Variants in LRRC4C observed in about 807,000 individuals in gnomAD.
LRRC4C encodes the protein leucine-rich repeat-containing protein 4C.
LRRC4C carries 5 observed loss-of-function variants against 33.6 expected under a neutral mutation model. The ratio of observed to expected loss-of-function variants is 0.15; its 90% CI spans 0.08 to 0.31. The LOEUF is 0.31. LRRC4C is among the 10% of genes least tolerant of loss of function. LRRC4C has a pLI of 1.00. For missense variants in LRRC4C, 560 were observed against 796.7 expected, an observed-to-expected ratio of 0.70 and a Z score of 3.58; for synonymous variants, 329 against 302.0, an observed-to-expected ratio of 1.09 and a Z score of -0.93.
intron 2 of LRRC4C, among the ~76,000 whole-genome samples, chr11:40,806,289 T>A (rs962648583): frequency 6.6e-6 from 1 of 152,000 alleles, no homozygotes. Flanking sequence ...AGAGCTAGGG[T>A]TCCTTGGATT....
At chr11:40,474,638 G>C (rs374409708) in intron 3 of LRRC4C, among the ~76,000 whole-genome samples, 96 of 152,294 alleles carry the variant, frequency 6.3e-4, no homozygotes, top group Non-Finnish European at 1.2e-3. Context: ...TCATCAGAGT[G>C]AACAGGCAAC....
chr11:40,427,861 C>G (rs1352945128), intron 3 of LRRC4C, among the ~76,000 whole-genome samples: 2 of 151,736 alleles, frequency 1.3e-5, no homozygotes, highest in Non-Finnish European at 2.9e-5. Context: ...AAAAACAAAA[C>G]AAAACAAAAC....
chr11:40,654,667 G>A (rs1943003622), intron 2 of LRRC4C, among the ~76,000 whole-genome samples: 1 of 152,162 alleles, frequency 6.6e-6, no homozygotes, highest in Non-Finnish European at 1.5e-5. Flanking sequence ...TTGACTTTTG[G>A]GTTAATACCG....
intron 1 of LRRC4C, among the ~76,000 whole-genome samples, chr11:40,966,073 G>A (rs1851338043): frequency 1.3e-5 from 2 of 151,958 alleles, no homozygotes; most frequent in Admixed American, 6.6e-5. Flanking sequence ...TCTCCTTGAA[G>A]AGGTCCTTCA....
At chr11:40,685,758 A>G (rs1358306084) in intron 2 of LRRC4C, among the ~76,000 whole-genome samples, 2 of 151,982 alleles carry the variant, frequency 1.3e-5, no homozygotes, top group African/African-American at 2.4e-5. Context: ...TTCTGTACAC[A>G]TAAGAGTTAA....
rs566650767 is a variant in LRRC4C at position 40,813,184 on chromosome 11, A to G, written c.-407+120451T>C. Among the ~76,000 whole-genome samples the G allele has an allele frequency of 2.0e-5, 3 of 152,282 alleles. No individual in the cohort carries two copies. In the South Asian group the frequency reaches 6.2e-4, roughly 32 times the overall value. ...CATAGCAGAATTCCTTCTTTCTTAT[A>G]TTACAGTACATGCCTGTATTAGTCT... On this transcript the variant is annotated intron_variant, in intron 2 of 6. Coordinates refer to ENST00000528697, the MANE Select transcript of LRRC4C (RefSeq NM_001258419.2).
intron 2 of LRRC4C, among the ~76,000 whole-genome samples, chr11:40,855,089 C>T (rs117517003): frequency 0.011 from 1,622 of 152,204 alleles, 11 homozygotes; most frequent in Non-Finnish European, 0.018. Context: ...GAATAAAACC[C>T]ATAATCCAAA....
At chr11:41,039,039 TC>T (rs567645804) in intron 1 of LRRC4C, among the ~76,000 whole-genome samples, 84 of 152,342 alleles carry the variant, frequency 5.5e-4, no homozygotes, top group African/African-American at 2.0e-3. Context: ...TTCCTAGGTT[TC>T]CATCTAAGAT....
intron 1 of LRRC4C, among the ~76,000 whole-genome samples, chr11:41,278,827 T>TC (rs1949564031): frequency 6.6e-6 from 1 of 151,734 alleles, no homozygotes; most frequent in Non-Finnish European, 1.5e-5. Flanking sequence ...GTTTTGTGTT[T>TC]TTTTCCCCCA....
At chr11:40,349,893 T>A (rs1947310102) in intron 3 of LRRC4C, among the ~76,000 whole-genome samples, 2 of 152,186 alleles carry the variant, frequency 1.3e-5, no homozygotes, top group Admixed American at 6.5e-5. Context: ...TCAGACATTC[T>A]GAGAAATGTC....
rs571719814 is a variant in LRRC4C at position 40,749,474 on chromosome 11, C to A, written c.-406-101196G>T. ...TATGAGATACAAAAAAAAAAAAAAA[C>A]CCTATAATAAGCAGGAAGTTTATAG... On this transcript the variant is annotated intron_variant, in intron 2 of 6. Transcript: ENST00000528697. Among the ~76,000 whole-genome samples the A allele has an allele frequency of 8.7e-4, 122 of 140,854 alleles. 2 individuals are homozygous for A. The East Asian group carries it at 0.023, about 27-fold the overall frequency. 92.4% of individuals were successfully genotyped at this position (140,854 alleles called of 152,430 possible). A position where few individuals can be genotyped will look rare whatever the true frequency, so the allele number is the denominator to read the frequency against.
chr11:40,408,276 T>C (rs776787120), intron 3 of LRRC4C, among the ~76,000 whole-genome samples: 112 of 152,144 alleles, frequency 7.4e-4, no homozygotes, highest in Non-Finnish European at 1.0e-3. Context: ...AACACAAGTG[T>C]GTGTTTGGGA....
intron 3 of LRRC4C, among the ~76,000 whole-genome samples, chr11:40,638,234 G>A (rs183743540): frequency 2.3e-4 from 35 of 152,136 alleles, no homozygotes; most frequent in African/African-American, 7.5e-4. Flanking sequence ...CTAAAATATG[G>A]GTATGTGAGG....
At chr11:40,605,977 G>T (rs762287002) in intron 3 of LRRC4C, among the ~76,000 whole-genome samples, 28 of 152,144 alleles carry the variant, frequency 1.8e-4, no homozygotes, top group Non-Finnish European at 3.4e-4. Context: ...CTAGATGGCT[G>T]GGGGCTGCTA....
chr11:40,729,429 A>G (rs1947452265), intron 2 of LRRC4C, among the ~76,000 whole-genome samples: 1 of 152,080 alleles, frequency 6.6e-6, no homozygotes, highest in East Asian at 1.9e-4. Context: ...AAATATCTCA[A>G]TCCAGACCCT....
At chr11:40,509,877 A>T (rs1269761171) in intron 3 of LRRC4C, among the ~76,000 whole-genome samples, 2 of 152,196 alleles carry the variant, frequency 1.3e-5, no homozygotes, top group Non-Finnish European at 2.9e-5. Flanking sequence ...ATTAAAAATA[A>T]TCATGGCAGG....
chr11:41,393,674 T>C (rs1045246418), intron 1 of LRRC4C, among the ~76,000 whole-genome samples: 3 of 151,948 alleles, frequency 2.0e-5, no homozygotes, highest in African/African-American at 7.2e-5. Context: ...ACTTTGTAGT[T>C]AGAGGCAATG....
At chr11:40,665,561 C>G (rs1251257925) in intron 2 of LRRC4C, among the ~76,000 whole-genome samples, 1 of 151,222 alleles carries the variant, frequency 6.6e-6, no homozygotes, top group Non-Finnish European at 1.5e-5. Flanking sequence ...CTCATCATCT[C>G]CTCTAATCAT....
At chr11:41,395,483 T>C (rs1953772820) in intron 1 of LRRC4C, among the ~76,000 whole-genome samples, 1 of 152,016 alleles carries the variant, frequency 6.6e-6, no homozygotes, top group South Asian at 2.1e-4. Context: ...TTTAGTCTCA[T>C]TTTGTGCACC....
Sources: allele counts gnomAD v4.1 joint callset (sites outside exome capture counted in the v4.1 genomes callset), GRCh38; gene constraint gnomAD v4.1.1; transcripts MANE v1.5; gene names NCBI Gene and HGNC (gene_info 2026-07-23, HGNC 2026-07-21).